The following DLG2 variants were observed in gnomAD, a reference collection of about 807,000 sequenced individuals.
DLG2 encodes the protein discs large MAGUK scaffold protein 2.
DLG2 carries 45 observed loss-of-function variants against 132.5 expected under a neutral mutation model. The observed-to-expected ratio is 0.34, with a 90% CI of 0.27 to 0.44. DLG2 has a LOEUF of 0.44. Ranked by LOEUF, DLG2 falls within the 20% of genes least tolerant of loss-of-function variation. The pLI, the probability that DLG2 is intolerant of heterozygous loss-of-function variation, is 1.00. For missense variants in DLG2, 1,045 were observed against 1,196.9 expected (o/e 0.87, Z 1.87); for synonymous variants, 424 against 419.6 (o/e 1.01, Z -0.13).
intron 6 of DLG2, among the ~76,000 whole-genome samples, chr11:84,816,988 T>C (rs1181619271): frequency 6.6e-6 from 1 of 152,020 alleles, no homozygotes; most frequent in Non-Finnish European, 1.5e-5. Context: ...CCCATTTTAT[T>C]ACCTACTTCC....
intron 4 of DLG2, among the ~76,000 whole-genome samples, chr11:85,201,087 A>G (rs999719051): frequency 1.3e-5 from 2 of 152,006 alleles, no homozygotes; most frequent in Admixed American, 6.6e-5. Flanking sequence ...GCAGTTGAGG[A>G]ACTATCTAAT....
At chr11:83,727,338 A>T (rs1011168074) in intron 18 of DLG2, among the ~76,000 whole-genome samples, 2 of 152,146 alleles carry the variant, frequency 1.3e-5, no homozygotes, top group African/African-American at 2.4e-5. Flanking sequence ...TGTAGAGGCC[A>T]CAGTGATTGT....
At chr11:85,604,913 G>C (rs2080420116) in intron 2 of DLG2, among the ~76,000 whole-genome samples, 1 of 152,094 alleles carries the variant, frequency 6.6e-6, no homozygotes, top group South Asian at 2.1e-4. Context: ...GCTAACAAAT[G>C]AACTTTTAGA....
chr11:83,522,463 CA>C (rs2095505567), intron 21 of DLG2, among the ~76,000 whole-genome samples: 1 of 151,906 alleles, frequency 6.6e-6, no homozygotes, highest in South Asian at 2.1e-4. Context: ...AAGTAACACT[CA>C]GATCAAGAGA....
At chr11:85,464,362 G>A (rs1419064758) in intron 3 of DLG2, among the ~76,000 whole-genome samples, 1 of 152,086 alleles carries the variant, frequency 6.6e-6, no homozygotes, top group Non-Finnish European at 1.5e-5. Context: ...TTTCCCTGAA[G>A]GCTTGGAGGT....
intron 6 of DLG2, among the ~76,000 whole-genome samples, chr11:84,842,069 A>G (rs1365126981): frequency 2.0e-5 from 3 of 151,962 alleles, no homozygotes; most frequent in Non-Finnish European, 4.4e-5. Flanking sequence ...ATGTATTTAT[A>G]CTGCCACCAA....
intron 3 of DLG2, among the ~76,000 whole-genome samples, chr11:85,338,078 T>G (rs752803649): frequency 1.3e-5 from 2 of 152,090 alleles, no homozygotes; most frequent in Non-Finnish European, 2.9e-5. Flanking sequence ...ATATAGCATA[T>G]TCAACTACCT....
At chr11:84,179,842 C>G (rs989554799) in intron 8 of DLG2, among the ~76,000 whole-genome samples, 3 of 152,076 alleles carry the variant, frequency 2.0e-5, no homozygotes, top group African/African-American at 7.2e-5. Context: ...AGGGGGACAA[C>G]AGAGAAGCAC....
intron 9 of DLG2, among the ~76,000 whole-genome samples, chr11:84,105,889 A>G (rs1286480840): frequency 2.6e-5 from 4 of 152,046 alleles, no homozygotes; most frequent in Admixed American, 6.6e-5. Flanking sequence ...CCTTCTGTAT[A>G]TTTGTTCCAG....
chr11:85,395,872 G>C (rs544277372), intron 3 of DLG2, among the ~76,000 whole-genome samples: 1 of 152,242 alleles, frequency 6.6e-6, no homozygotes, highest in Non-Finnish European at 1.5e-5. Flanking sequence ...AGCTTCTGCA[G>C]ATTTAAACAT....
chr11:84,750,873 A>C (rs2066017975), intron 6 of DLG2, among the ~76,000 whole-genome samples: 4 of 152,308 alleles, frequency 2.6e-5, no homozygotes, highest in African/African-American at 9.6e-5. Flanking sequence ...AGGTAATCCA[A>C]TTTGTTTTTA....
At chr11:84,143,879 G>A (rs1214339310) in intron 9 of DLG2, among the ~76,000 whole-genome samples, 5 of 152,048 alleles carry the variant, frequency 3.3e-5, no homozygotes, top group Admixed American at 1.3e-4. Context: ...TAATAAACAC[G>A]TTAGAAAATT....
intron 7 of DLG2, among the ~76,000 whole-genome samples, chr11:84,331,878 T>C (rs922392628): frequency 9.9e-5 from 15 of 152,116 alleles, no homozygotes; most frequent in African/African-American, 3.4e-4. Flanking sequence ...TGTGAATTGG[T>C]TTCTGAAAAA....
At chr11:83,556,210 A>C (rs2096513892) in intron 19 of DLG2, among the ~76,000 whole-genome samples, 1 of 152,192 alleles carries the variant, frequency 6.6e-6, no homozygotes, top group African/African-American at 2.4e-5. Context: ...ACACATTCAT[A>C]GAAAACAAGA....
chr11:85,356,732 C>T (rs570504875), intron 3 of DLG2, among the ~76,000 whole-genome samples: 1 of 152,094 alleles, frequency 6.6e-6, no homozygotes, highest in South Asian at 2.1e-4. Flanking sequence ...GGAATCATGT[C>T]TACTTTGTTT....
chr11:85,109,558 G>A (rs1472164491), intron 6 of DLG2, among the ~76,000 whole-genome samples: 2 of 152,072 alleles, frequency 1.3e-5, no homozygotes, highest in African/African-American at 2.4e-5. Context: ...TCAAAAGACA[G>A]AATCCTAATT....
chr11:83,888,062 C>G (rs2154082445), intron 15 of DLG2, among the ~76,000 whole-genome samples: 1 of 145,122 alleles, frequency 6.9e-6, no homozygotes, highest in East Asian at 2.0e-4. Context: ...CCCTCTCTCA[C>G]CACTCCTGTT....
intron 7 of DLG2, among the ~76,000 whole-genome samples, chr11:84,403,951 A>C (rs1352416068): frequency 6.6e-6 from 1 of 152,206 alleles, no homozygotes; most frequent in East Asian, 1.9e-4. Context: ...CATTTTTAAC[A>C]GAAGATAATC....
At chr11:83,851,033 C>G (rs2154029600) in intron 16 of DLG2, among the ~76,000 whole-genome samples, 1 of 152,116 alleles carries the variant, frequency 6.6e-6, no homozygotes, top group Middle Eastern at 3.4e-3. Context: ...AAAAATTAGC[C>G]TGGCGTGGTG....
Sources: gnomAD v4.1 joint callset for allele counts (sites outside exome capture counted in the v4.1 genomes callset) on GRCh38, gnomAD v4.1.1 for gene constraint, MANE v1.5 for transcripts, NCBI Gene and HGNC (gene_info 2026-07-23, HGNC 2026-07-21) for gene names.